Variants in PMS1 observed in about 807,000 individuals in gnomAD.
PMS1 encodes PMS1 protein homolog 1.
PMS1 carries 79 observed loss-of-function variants against 93.1 expected under a neutral mutation model. The observed-to-expected ratio is 0.85, with a 90% CI of 0.71 to 1.02. PMS1 has a LOEUF of 1.02. Ranked by LOEUF, PMS1 falls within the 50% of genes least tolerant of loss-of-function variation. The probability of loss-of-function intolerance (pLI) is 0.00; values close to 1 mark genes in which losing one functional copy is unlikely to be tolerated. For missense variants in PMS1, 1,064 were observed against 1,085.3 expected, an observed-to-expected ratio of 0.98 and a Z score of 0.28; for synonymous variants, 335 against 363.4, an observed-to-expected ratio of 0.92 and a Z score of 0.89.
At chr2:189,847,488 T>C (rs891791147) in intron 6 of PMS1, among the ~76,000 whole-genome samples, 1 of 152,170 alleles carries the variant, frequency 6.6e-6, no homozygotes, top group Non-Finnish European at 1.5e-5. Flanking sequence ...TATGTTTAAT[T>C]TCCAAGAGTA....
At chr2:189,863,676 T>A in intron 9 of PMS1, 67 bp from the exon 10 acceptor site, 1 of 1,247,334 alleles carries the variant, frequency 8.0e-7, no homozygotes, top group Non-Finnish European at 1.2e-6. Context: ...TTTTATAAAA[T>A]TTACTTCAGA....
chr2:189,818,952 ATATGT>A (rs1416220305), intron 5 of PMS1, among the ~76,000 whole-genome samples: 1 of 152,158 alleles, frequency 6.6e-6, no homozygotes. Flanking sequence ...TGTTACATGG[ATATGT>A]TGTGTAGTGG....
At chr2:189,795,732 T>A (rs752860881) in intron 2 of PMS1, 37 bp from the exon 3 acceptor site, 20 of 1,493,880 alleles carry the variant, frequency 1.3e-5, no homozygotes, top group African/African-American at 5.5e-5. Flanking sequence ...CAGTTTAATA[T>A]TTTTACATAT....
At chr2:189,806,511 C>T (rs1054752973) in intron 4 of PMS1, 2 of 230,090 alleles carry the variant, frequency 8.7e-6, no homozygotes, top group Non-Finnish European at 1.7e-5. Context: ...GATCCTCCCA[C>T]CTCAGCCTCC....
chr2:189,821,981 A>G (rs968348628), intron 5 of PMS1, among the ~76,000 whole-genome samples: 2 of 152,180 alleles, frequency 1.3e-5, no homozygotes, highest in African/African-American at 4.8e-5. Flanking sequence ...AAGATTATCA[A>G]TGTGGGTATT....
At chr2:189,848,084 G>A (rs1030368581) in intron 6 of PMS1, among the ~76,000 whole-genome samples, 2 of 152,114 alleles carry the variant, frequency 1.3e-5, no homozygotes, top group Non-Finnish European at 2.9e-5. Flanking sequence ...ACACTCCAGT[G>A]CTACTTCAAA....
chr2:189,873,184 T>C (rs569658351), intron 11 of PMS1, among the ~76,000 whole-genome samples: 1 of 152,360 alleles, frequency 6.6e-6, no homozygotes, highest in East Asian at 1.9e-4. Context: ...AGTTTTATTT[T>C]CATAAATATC....
At chr2:189,787,001 G>A (rs920164224) in intron 1 of PMS1, among the ~76,000 whole-genome samples, 2 of 152,076 alleles carry the variant, frequency 1.3e-5, no homozygotes, top group South Asian at 2.1e-4. Flanking sequence ...TGCAGTGAGC[G>A]GAGATTGTGC....
chr2:189,828,920 T>C (rs993495960), intron 5 of PMS1, among the ~76,000 whole-genome samples: 1 of 149,194 alleles, frequency 6.7e-6, no homozygotes, highest in East Asian at 2.0e-4. Context: ...CGTAGAAGGA[T>C]CCTTAGATCT....
chr2:189,832,791 G>T (rs944910715), intron 5 of PMS1, among the ~76,000 whole-genome samples: 1 of 152,108 alleles, frequency 6.6e-6, no homozygotes, highest in Non-Finnish European at 1.5e-5. Context: ...AAATATTGTC[G>T]TATTTACCTA....
At chr2:189,789,457 T>G (rs1200793823) in intron 1 of PMS1, among the ~76,000 whole-genome samples, 1 of 152,200 alleles carries the variant, frequency 6.6e-6, no homozygotes, top group East Asian at 1.9e-4. Flanking sequence ...TTTTTTTCAT[T>G]GTGCCAATCA....
chr2:189,830,459 C>T (rs2106369022), intron 5 of PMS1, among the ~76,000 whole-genome samples: 1 of 152,240 alleles, frequency 6.6e-6, no homozygotes, highest in Middle Eastern at 3.4e-3. Flanking sequence ...TTTCTTTAGC[C>T]TTCCTAAAAT....
At chr2:189,834,005 A>G (rs2053176352) in intron 5 of PMS1, among the ~76,000 whole-genome samples, 1 of 152,200 alleles carries the variant, frequency 6.6e-6, no homozygotes, top group Non-Finnish European at 1.5e-5. Flanking sequence ...ACTGGCTTAC[A>G]TTACGTGTCT....
chr2:189,859,583 CA>C (rs1429286636), intron 9 of PMS1, among the ~76,000 whole-genome samples: 1 of 152,126 alleles, frequency 6.6e-6, no homozygotes, highest in Non-Finnish European at 1.5e-5. Flanking sequence ...AAAGGGGTGA[CA>C]TAACCGCTGT....
rs753545002 is a variant in PMS1, at chr2:189,854,744, C to T, written c.1472C>T (p.Ser491Leu). The change falls in exon 9 of 13, where the codon TCG (serine) becomes TTG (leucine). Residue 491 changes from serine (S) to leucine (L), a missense_variant. Transcript: ENST00000441310. ...GAAGAAGCAGGTCTTGAAAACTCTT[C>T]GGAAATTTCTGCAGATGAGTGGAGC... ...NEEEAGLENS[S>L]EISADEWSRG... The T allele has an allele frequency of 1.1e-5, 17 of 1,613,694 alleles. No individual in the cohort carries two copies. Among genetic ancestry groups the T allele is most frequent in the Middle Eastern group, 1.6e-4 (1 of 6,080 alleles).
intron 5 of PMS1, among the ~76,000 whole-genome samples, chr2:189,829,516 C>G (rs904602107): frequency 1.3e-5 from 2 of 152,144 alleles, no homozygotes; most frequent in Non-Finnish European, 2.9e-5. Flanking sequence ...TCATCCTTCT[C>G]TTGGGCACTC....
chr2:189,834,946 T>C (rs2053260140), intron 5 of PMS1, among the ~76,000 whole-genome samples: 1 of 152,130 alleles, frequency 6.6e-6, no homozygotes, highest in Non-Finnish European at 1.5e-5. Flanking sequence ...CCCAGGCTGG[T>C]CTTGAACTCC....
In PMS1 at chr2:189,852,652, T is replaced by C. The variant is rs768728986; in HGVS notation, c.700-3T>C. The C allele has an allele frequency of 1.9e-6, 3 of 1,605,370 alleles. No individual in the cohort carries two copies. The East Asian group carries it at 6.7e-5, about 36-fold the overall frequency. ...CATTGCATATTCTGTAATTATTATA[T>C]AGATTTATCTCAGTGGATTTCTTCC... On this transcript the variant is annotated splice_polypyrimidine_tract_variant and splice_region_variant and intron_variant, in intron 6 of 12. Transcript: ENST00000441310.
intron 6 of PMS1, among the ~76,000 whole-genome samples, chr2:189,845,197 T>G (rs985094747): frequency 1.3e-5 from 2 of 152,214 alleles, no homozygotes; most frequent in African/African-American, 4.8e-5. Flanking sequence ...GTCTTCTATC[T>G]TTTGTCTGAA....
Sources: gnomAD v4.1 joint callset for allele counts (sites outside exome capture counted in the v4.1 genomes callset) on GRCh38, gnomAD v4.1.1 for gene constraint, MANE v1.5 for transcripts, NCBI Gene and HGNC (gene_info 2026-07-23, HGNC 2026-07-21) for gene names.